The following GPX4 variants were observed in gnomAD, a reference collection of about 807,000 sequenced individuals.
The protein encoded by GPX4 is glutathione peroxidase 4.
Under a neutral mutation model 27.8 loss-of-function variants are expected in GPX4, and 28 were observed. The ratio of observed to expected loss-of-function variants is 1.01; its 90% CI spans 0.75 to 1.38. The LOEUF is 1.38. Ranked by LOEUF, GPX4 falls within the 40% of genes most tolerant of loss-of-function variation. GPX4 has a pLI of 0.00. For synonymous variants in GPX4, 163 were observed against 107.8 expected, an observed-to-expected ratio of 1.51 and a Z score of -3.17; for missense variants, 357 against 274.1, an observed-to-expected ratio of 1.30 and a Z score of -2.14.
In GPX4 at chr19:1,106,239, C is replaced by T. The variant is rs1406653788; in HGVS notation, c.477-3C>T. 1 of 1,604,882 alleles carries T rather than the reference C, an allele frequency of 6.2e-7. No individual in the cohort carries two copies. On this transcript the variant is annotated splice_region_variant and splice_polypyrimidine_tract_variant and intron_variant, in intron 4 of 6. Transcript: ENST00000354171. Reference sequence around the variant, plus strand: ...CGCTCACGTCCATGTGCTTCTTTTCCAGTGCCATCAAGTGGAACTTCACCA... The same window carrying T: ...CGCTCACGTCCATGTGCTTCTTTTCTAGTGCCATCAAGTGGAACTTCACCA...
At position 1,105,664 on chromosome 19, in the gene GPX4, G is replaced by C. The variant is rs751333238; in HGVS notation, c.331G>C (p.Gly111Arg). The C allele has an allele frequency of 6.2e-7, 1 of 1,612,932 alleles. No individual in the cohort carries two copies. The highest frequency in any genetic ancestry group is 8.5e-7 in the Non-Finnish European group (1 of 1,179,668). Residue 111 changes from glycine to arginine, a missense_variant, in exon 4 of 7, where the codon GGG (glycine) becomes CGG (arginine). Transcript: ENST00000354171. ...PCNQFGKQEP[G>R]SNEEIKEFAA... ...CACACCTTGGCCGCCACAGGAGCCA[G>C]GGAGTAACGAAGAGATCAAAGAGTT...
At position 1,104,071 on chromosome 19, in the gene GPX4, C is replaced by G. The variant is rs1244777890; in HGVS notation, c.28C>G (p.Leu10Val). 6.6e-7 allele frequency: 1 copy of G among 1,519,732 alleles called. No homozygotes were observed. Among genetic ancestry groups the G allele is most frequent in the South Asian group, 1.2e-5 (1 of 82,400 alleles). 94.1% of individuals were successfully genotyped at this position (1,519,732 alleles called of 1,614,324 possible). The change falls in exon 1 of 7, where the codon CTG becomes GTG. Residue 10 changes from leucine to valine, a missense_variant. Physicochemically the swap from Leu to Val is conservative, Grantham distance 32. Coordinates refer to ENST00000354171, the MANE Select transcript of GPX4 (RefSeq NM_002085.5). ...GAGCCTCGGCCGCCTTTGCCGCCTACTGAAGCCGGCGCTGCTCTGTGGGGC... is the reference window on the plus strand; with the variant it reads ...GAGCCTCGGCCGCCTTTGCCGCCTAGTGAAGCCGGCGCTGCTCTGTGGGGC... Reference protein sequence around the residue: MSLGRLCRLLKPALLCGALA... With the variant: MSLGRLCRLVKPALLCGALA...
chr19:1,105,966 G>A, intron 4 of GPX4, 157 bp downstream of exon 4: 1 of 902,710 alleles, frequency 1.1e-6, no homozygotes, highest in Non-Finnish European at 1.7e-6. Flanking sequence ...GGGGTAAGAT[G>A]GCTCAGGGGG....
Position 1,105,361 on chromosome 19 carries a change from C to T in GPX4, c.180-5C>T. ...CTTCTGCGCTGACGCCGCCGATCCT[C>T]GCAGGGGCTTCGTGTGCATCGTCAC... On this transcript the variant is annotated splice_polypyrimidine_tract_variant and splice_region_variant and intron_variant, in intron 2 of 6. Coordinates refer to ENST00000354171, the MANE Select transcript of GPX4 (RefSeq NM_002085.5). 1 of 1,611,212 alleles carries T rather than the reference C, an allele frequency of 6.2e-7. No homozygotes were observed. The highest frequency in any genetic ancestry group is 8.5e-7 in the Non-Finnish European group (1 of 1,178,686).
chr19:1,104,830 C>A, intron 1 of GPX4: 1 of 1,068,316 alleles, frequency 9.4e-7, no homozygotes, highest in Non-Finnish European at 1.1e-6. Flanking sequence ...GGCGGAAGGC[C>A]CCAGCGTGCA....
chr19:1,104,308 T>G, intron 1 of GPX4, 181 bp downstream of exon 1: 1 of 559,446 alleles, frequency 1.8e-6, no homozygotes, highest in Non-Finnish European at 2.9e-6. Flanking sequence ...TGCGACGCGC[T>G]CCGCGGCCCT....
Position 1,106,243 on chromosome 19 carries a change from G to A in GPX4, c.478G>A (p.Ala160Thr), listed in dbSNP as rs904315616. ...CACGTCCATGTGCTTCTTTTCCAGTGCCATCAAGTGGAACTTCACCAAGGT... is the reference window on the plus strand; with the variant it reads ...CACGTCCATGTGCTTCTTTTCCAGTACCATCAAGTGGAACTTCACCAAGGT... ...QPKGKGILGN[A>T]IKWNFTKFLI... is the part of the protein sequence containing the mutation. The change falls in exon 5 of 7, where the codon GCC (alanine) becomes ACC (threonine). Residue 160 changes from alanine (A) to threonine (T), a missense_variant and splice_region_variant. Coordinates refer to ENST00000354171, the MANE Select transcript of GPX4 (RefSeq NM_002085.5). 16 of 1,604,172 alleles carry A rather than the reference G, an allele frequency of 1.0e-5. No individual in the cohort carries two copies. Among genetic ancestry groups the A allele is most frequent in the African/African-American group, 2.7e-5 (2 of 74,196 alleles).
chr19:1,106,106 C>G lies in GPX4; in HGVS notation c.477-136C>G, dbSNP rs1166605755. 1.1e-5 allele frequency: 8 copies of G among 738,494 alleles called. No individual in the cohort carries two copies. The African/African-American group carries it at 1.8e-4, about 17-fold the overall frequency. The allele number at this position is 738,494 out of a possible 1,614,324, so 45.7% of individuals were successfully genotyped here. A position where few individuals can be genotyped will look rare whatever the true frequency, so the allele number is the denominator to read the frequency against. ...CATGGCCTCCTGGGGTAAGATGGCT[C>G]TGGGGGGGCTTGGGGGCACTGTGGC... On this transcript the variant is annotated intron_variant, in intron 4 of 6. Coordinates refer to ENST00000354171, the MANE Select transcript of GPX4 (RefSeq NM_002085.5).
intron 3 of GPX4, 34 bp from the exon 4 acceptor site, chr19:1,105,624 C>A (rs201044864): frequency 2.5e-6 from 4 of 1,589,846 alleles, no homozygotes; most frequent in East Asian, 2.2e-5. Flanking sequence ...GGGGTGCCAG[C>A]CCCCGACTCA....
chr19:1,104,668 C>T (rs979949637), intron 1 of GPX4: 7 of 984,064 alleles, frequency 7.1e-6, no homozygotes, highest in African/African-American at 5.3e-5. Context: ...CTACGGCCTC[C>T]GGGCCCTTTG....
chr19:1,106,336 C>T, intron 5 of GPX4, 64 bp from the exon 6 acceptor site: 1 of 1,608,296 alleles, frequency 6.2e-7, no homozygotes, highest in Non-Finnish European at 8.5e-7. Flanking sequence ...GGGCAGCGGA[C>T]AGGAAGGGCA....
chr19:1,104,699 G>T, intron 1 of GPX4: 8 of 984,998 alleles, frequency 8.1e-6, no homozygotes, highest in Non-Finnish European at 9.6e-6. Flanking sequence ...CGGCGCTCGG[G>T]GTGGGGGAGC....
At chr19:1,104,434 G>A in intron 1 of GPX4, 4 of 383,634 alleles carry the variant, frequency 1.0e-5, no homozygotes, top group Non-Finnish European at 1.7e-5. Flanking sequence ...GCGTGCCGGG[G>A]CCGGGGTCGG....
chr19:1,105,157 C>G (rs750347551), intron 1 of GPX4, 29 bp from the exon 2 acceptor site: 4 of 1,610,702 alleles, frequency 2.5e-6, no homozygotes, highest in Admixed American at 1.7e-5. Context: ...CCCGTCCACG[C>G]TCCCTGCTCA....
chr19:1,104,528 C>G lies in GPX4; in HGVS notation c.84+401C>G, dbSNP rs566928862. The G allele has an allele frequency of 4.6e-3, 2,959 of 639,778 alleles. 79 individuals carry two copies. The African/African-American group carries it at 0.051, about 11-fold the overall frequency. The allele number at this position is 639,778 out of a possible 1,614,324, so 39.6% of individuals were successfully genotyped here. A position where few individuals can be genotyped will look rare whatever the true frequency, so the allele number is the denominator to read the frequency against. ...GGGCCACGGCGGGGCGTCTCCGGGC[C>G]GAGCGGGGCTGCTGCGCCCGAGCGG... is the stretch of plus-strand genomic sequence containing the variant. On this transcript the variant is annotated intron_variant, in intron 1 of 6. Transcript: ENST00000354171.
At position 1,106,557 on chromosome 19, in the gene GPX4, G is replaced by T; in HGVS notation, c.579G>T (p.Leu193=). Residue 193 remains leucine (L), a synonymous_variant, in exon 7 of 7, where the codon CTG becomes CTT. Coordinates refer to ENST00000354171, the MANE Select transcript of GPX4 (RefSeq NM_002085.5). ...MEEPLVIEKD[L]PHYF is the part of the protein sequence containing the mutation. ...CCCGACAGGTGATAGAGAAGGACCT[G>T]CCCCACTATTTCTAGCTCCACAAGT... is the stretch of plus-strand genomic sequence containing the variant. The T allele has an allele frequency of 6.2e-7, 1 of 1,613,436 alleles. No individual in the cohort carries two copies. The highest frequency in any genetic ancestry group is 1.1e-5 in the South Asian group (1 of 91,078).
chr19:1,106,778 A>G lies in GPX4; in HGVS notation c.*206A>G. 4.7e-6 allele frequency: 3 copies of G among 633,326 alleles called. No homozygotes were observed. The highest frequency in any genetic ancestry group is 5.4e-6 in the Non-Finnish European group (2 of 370,792). 39.2% of individuals were successfully genotyped at this position (633,326 alleles called of 1,614,324 possible). ...CCTTGTGGGAATAAACAGACAAATT[A>G]GCCTGCTGGATCTTTCTGCGTAGGG... On this transcript the variant is annotated 3_prime_UTR_variant, in exon 7 of 7. Coordinates refer to ENST00000354171, the MANE Select transcript of GPX4 (RefSeq NM_002085.5).
At chr19:1,104,578 C>T in intron 1 of GPX4, 3 of 964,806 alleles carry the variant, frequency 3.1e-6, no homozygotes, top group South Asian at 4.8e-5. Flanking sequence ...GGCTGGAAAT[C>T]CCGGATCACG....
In GPX4 at chr19:1,105,454, T is replaced by TA; in HGVS notation, c.269dup (p.Tyr90Ter). 6.2e-7 allele frequency: 1 copy of TA among 1,612,746 alleles called. No homozygotes were observed. Among genetic ancestry groups the TA allele is most frequent in the South Asian group, 1.1e-5 (1 of 91,070 alleles). ...TCAGCTCGTCGACCTGCACGCCCGA[T>TA]ACGCTGAGTGTGGTTTGCGGATCCT... is the stretch of plus-strand genomic sequence containing the variant. ...YTQLVDLHARYAECGLRILAF... is the reference protein window; with the variant it reads ...YTQLVDLHAR The change falls in exon 3 of 7, where the codon TAC becomes TAAC. Residue 90 changes from tyrosine (Y) to a stop codon, truncating the protein, a stop_gained and frameshift_variant. Coordinates refer to ENST00000354171, the MANE Select transcript of GPX4 (RefSeq NM_002085.5). LOFTEE classifies it high-confidence loss of function.
Sources: allele counts gnomAD v4.1 joint callset, GRCh38; gene constraint gnomAD v4.1.1; transcripts MANE v1.5; gene names NCBI Gene and HGNC (gene_info 2026-07-23, HGNC 2026-07-21).